RCOR1: variants seen among roughly 807,000 people sequenced by gnomAD.
RCOR1 encodes REST corepressor 1.
RCOR1 carries 12 observed loss-of-function variants against 64.0 expected under a neutral mutation model. The observed-to-expected ratio is 0.19, with a 90% confidence interval of 0.12 to 0.30. RCOR1 has a LOEUF of 0.30. RCOR1 is among the 10% of genes least tolerant of loss of function. The pLI, the probability that RCOR1 is intolerant of heterozygous loss-of-function variation, is 1.00. For synonymous variants in RCOR1, 279 were observed against 227.2 expected (o/e 1.23, Z -2.05); for missense variants, 502 against 621.2 (o/e 0.81, Z 2.04).
intron 3 of RCOR1, among the ~76,000 whole-genome samples, chr14:102,689,903 C>G (rs544616731): frequency 6.6e-6 from 1 of 152,212 alleles, no homozygotes; most frequent in South Asian, 2.1e-4. Context: ...GCCACCATGC[C>G]CAGCTAATTT....
intron 8 of RCOR1, among the ~76,000 whole-genome samples, chr14:102,716,303 G>T (rs1489790593): frequency 6.6e-6 from 1 of 152,054 alleles, no homozygotes; most frequent in African/African-American, 2.4e-5. Flanking sequence ...TCTACAACTT[G>T]TATTTTAAAT....
Position 102,670,828 on chromosome 14 carries a change from C to T in RCOR1, c.362-11067C>T, listed in dbSNP as rs192274496. ...TGCTCTTGTCGCCCAGGCTGGAGTGCAGCGGTGTTGTCTCAGTTCACTGCA... is the reference window on the plus strand; with the variant it reads ...TGCTCTTGTCGCCCAGGCTGGAGTGTAGCGGTGTTGTCTCAGTTCACTGCA... On this transcript the variant is annotated intron_variant, in intron 2 of 11. Transcript: ENST00000262241. Among the ~76,000 whole-genome samples, 266 of 151,764 alleles carry T rather than the reference C, an allele frequency of 1.8e-3. 2 individuals carry two copies. Among genetic ancestry groups the T allele is most frequent in the Non-Finnish European group, 1.6e-3 (112 of 67,948 alleles).
chr14:102,662,537 G>A, intron 2 of RCOR1: 1 of 497,030 alleles, frequency 2.0e-6, no homozygotes, highest in Admixed American at 2.2e-5. Context: ...AGGATATTTG[G>A]GCTGCCCCTG....
intron 2 of RCOR1, among the ~76,000 whole-genome samples, chr14:102,639,502 T>A (rs1450827549): frequency 4.1e-5 from 1 of 24,370 alleles, no homozygotes; most frequent in South Asian, 1.0e-3. Flanking sequence ...TTAATTTTTA[T>A]TTATTTATTT....
chr14:102,657,928 AAG>A, intron 2 of RCOR1: 1 of 984,600 alleles, frequency 1.0e-6, no homozygotes, highest in Non-Finnish European at 1.2e-6. Context: ...AAACAAGTGA[AAG>A]AGTTTTCTTT....
intron 2 of RCOR1, among the ~76,000 whole-genome samples, chr14:102,610,046 C>T (rs1158569532): frequency 6.6e-6 from 1 of 151,730 alleles, no homozygotes; most frequent in Non-Finnish European, 1.5e-5. Context: ...AGGAGAATCG[C>T]TTGAACCCTG....
At chr14:102,707,188 C>G (rs1196362049) in intron 4 of RCOR1, among the ~76,000 whole-genome samples, 163 bp from the exon 5 acceptor site, 1 of 152,070 alleles carries the variant, frequency 6.6e-6, no homozygotes, top group African/African-American at 2.4e-5. Context: ...ACCACAGTTA[C>G]AAAGAATAGA....
intron 2 of RCOR1, among the ~76,000 whole-genome samples, chr14:102,653,998 T>TGTTTCTTTC (rs1595214214): frequency 7.9e-6 from 1 of 126,594 alleles, no homozygotes; most frequent in African/African-American, 3.3e-5. Context: ...TTTTTTTTTT[T>TGTTTCTTTC]TTTTTGAGAC....
At chr14:102,608,072 A>G (rs1423018258) in intron 2 of RCOR1, among the ~76,000 whole-genome samples, 1 of 152,016 alleles carries the variant, frequency 6.6e-6, no homozygotes, top group Non-Finnish European at 1.5e-5. Context: ...AAAAACAACA[A>G]AATTAACCGT....
chr14:102,599,305 A>G (rs78475547), intron 2 of RCOR1, among the ~76,000 whole-genome samples: 14,601 of 151,776 alleles, frequency 0.096, 771 homozygotes, highest in Middle Eastern at 0.17. Flanking sequence ...GTTTTTTTGT[A>G]TTTTTTGTAG....
At position 102,677,379 on chromosome 14, in the gene RCOR1, G is replaced by A. The variant is rs1456532690; in HGVS notation, c.362-4516G>A. Among the ~76,000 whole-genome samples the A allele has an allele frequency of 7.3e-3, 1,041 of 142,176 alleles. 9 individuals are homozygous for A. Among genetic ancestry groups the A allele is most frequent in the African/African-American group, 0.027 (973 of 35,670 alleles). The allele number at this position is 142,176 out of a possible 152,430, so 93.3% of individuals were successfully genotyped here. Reference sequence around the variant, plus strand: ...CCCTCCCGGACGGGGTGGCTGCCGGGCGGAGACGCTCCTCACTTCCCAGAC... The same window carrying A: ...CCCTCCCGGACGGGGTGGCTGCCGGACGGAGACGCTCCTCACTTCCCAGAC... On this transcript the variant is annotated intron_variant, in intron 2 of 11. Transcript: ENST00000262241.
chr14:102,721,229 CCGATAAGAGAAAATGAAA>C, intron 9 of RCOR1, 73 bp from the exon 10 acceptor site: 1 of 1,258,818 alleles, frequency 7.9e-7, no homozygotes, highest in Non-Finnish European at 1.1e-6. Context: ...TGTTAAAATT[CCGATAAGAGAAAATGAAA>C]GGTTCGTTAA....
At chr14:102,666,078 C>A (rs1265925716) in intron 2 of RCOR1, among the ~76,000 whole-genome samples, 3 of 152,034 alleles carry the variant, frequency 2.0e-5, no homozygotes, top group Non-Finnish European at 2.9e-5. Context: ...AGCAGACTTA[C>A]AAAGATGGTG....
At chr14:102,680,922 T>C (rs1040490952) in intron 2 of RCOR1, among the ~76,000 whole-genome samples, 1 of 152,214 alleles carries the variant, frequency 6.6e-6, no homozygotes, top group Non-Finnish European at 1.5e-5. Flanking sequence ...AATTCATACT[T>C]TTCACACTTT....
chr14:102,595,987 G>C (rs1893233850), intron 2 of RCOR1, among the ~76,000 whole-genome samples: 1 of 152,102 alleles, frequency 6.6e-6, no homozygotes, highest in African/African-American at 2.4e-5. Context: ...CAGTTTTCTA[G>C]ATATGGCAGA....
intron 2 of RCOR1, among the ~76,000 whole-genome samples, chr14:102,651,456 G>A (rs1894588483): frequency 6.6e-6 from 1 of 151,894 alleles, no homozygotes; most frequent in African/African-American, 2.4e-5. Context: ...AGGAGGTTGA[G>A]GCAGGAGAAT....
At chr14:102,670,691 C>T (rs1282021505) in intron 2 of RCOR1, among the ~76,000 whole-genome samples, 1 of 151,072 alleles carries the variant, frequency 6.6e-6, no homozygotes, top group Non-Finnish European at 1.5e-5. Context: ...GAAAACAAGG[C>T]ATGTTGTTAA....
At chr14:102,697,876 G>A (rs1186077402) in intron 3 of RCOR1, among the ~76,000 whole-genome samples, 2 of 151,934 alleles carry the variant, frequency 1.3e-5, no homozygotes, top group African/African-American at 2.4e-5. Context: ...ACGCACCACC[G>A]TGCCCAGCTG....
intron 2 of RCOR1, among the ~76,000 whole-genome samples, chr14:102,678,649 T>G (rs1009020387): frequency 3.9e-5 from 6 of 152,166 alleles, no homozygotes; most frequent in African/African-American, 1.4e-4. Flanking sequence ...GGCTGAACAG[T>G]GGGGTTGCTA....
Sources: allele counts gnomAD v4.1 joint callset (sites outside exome capture counted in the v4.1 genomes callset), GRCh38; gene constraint gnomAD v4.1.1; transcripts MANE v1.5; gene names NCBI Gene and HGNC (gene_info 2026-07-23, HGNC 2026-07-21).